Variants in PPP6R3 observed in about 807,000 individuals in gnomAD.
PPP6R3 encodes the protein serine/threonine-protein phosphatase 6 regulatory subunit 3.
Under a neutral mutation model 110.7 loss-of-function variants are expected in PPP6R3, and 38 were observed. The ratio of observed to expected loss-of-function variants is 0.34; its 90% CI spans 0.26 to 0.45. The LOEUF (loss-of-function observed/expected upper bound fraction) is 0.45. PPP6R3 is among the 20% of genes least tolerant of loss of function. The pLI is 1.00. For missense variants in PPP6R3, 870 were observed against 1,062.4 expected (o/e 0.82, Z 2.52); for synonymous variants, 369 against 373.5 (o/e 0.99, Z 0.14).
At chr11:68,479,590 A>G (rs2098886054) in intron 1 of PPP6R3, among the ~76,000 whole-genome samples, 1 of 152,214 alleles carries the variant, frequency 6.6e-6, no homozygotes, top group Admixed American at 6.5e-5. Flanking sequence ...ATAAGAAGTT[A>G]GATGTCAGTC....
chr11:68,536,457 G>A (rs563818419), intron 2 of PPP6R3, among the ~76,000 whole-genome samples: 1 of 151,798 alleles, frequency 6.6e-6, no homozygotes, highest in Non-Finnish European at 1.5e-5. Context: ...TAGAGATGAG[G>A]TCTCACTATG....
intron 2 of PPP6R3, among the ~76,000 whole-genome samples, chr11:68,521,186 TC>T (rs2099162684): frequency 6.6e-6 from 1 of 152,212 alleles, no homozygotes; most frequent in Non-Finnish European, 1.5e-5. Context: ...TTGTGATCAC[TC>T]CTTTGTGAAC....
chr11:68,586,661 T>C (rs944288466), intron 15 of PPP6R3: 2 of 152,082 alleles, frequency 1.3e-5, no homozygotes, highest in East Asian at 3.8e-4. Context: ...ACTAGACATA[T>C]AGAGCTTTTC....
chr11:68,483,627 C>T (rs952955893), intron 1 of PPP6R3, among the ~76,000 whole-genome samples: 2 of 152,112 alleles, frequency 1.3e-5, no homozygotes, highest in Non-Finnish European at 2.9e-5. Flanking sequence ...GAATTACAGG[C>T]ATTTGCCACC....
At chr11:68,503,929 G>C (rs1045132183) in intron 1 of PPP6R3, among the ~76,000 whole-genome samples, 24 of 152,316 alleles carry the variant, frequency 1.6e-4, no homozygotes, top group African/African-American at 5.8e-4. Flanking sequence ...TTGTTGACCA[G>C]GTGTGTGGAA....
In PPP6R3 at chr11:68,573,114, T is replaced by TTTTATATATA. The variant is rs1397314086; in HGVS notation, c.1344-994_1344-993insTTATATATAT. On this transcript the variant is annotated intron_variant, in intron 12 of 23. Transcript: ENST00000393800. ...TCAGATTAATATGAGTTTACTTATT[T>TTTTATATATA]TATATATATATATATATATATATAT... Among the ~76,000 whole-genome samples, 13 of 61,798 alleles carry TTTTATATATA rather than the reference T, an allele frequency of 2.1e-4. No homozygotes were observed. The East Asian group carries it at 3.5e-3, about 17-fold the overall frequency. 40.5% of individuals were successfully genotyped at this position (61,798 alleles called of 152,430 possible). A position where few individuals can be genotyped will look rare whatever the true frequency, so the allele number is the denominator to read the frequency against.
intron 1 of PPP6R3, among the ~76,000 whole-genome samples, chr11:68,498,823 C>A (rs1291207011): frequency 6.6e-6 from 1 of 152,178 alleles, no homozygotes; most frequent in African/African-American, 2.4e-5. Flanking sequence ...GTATGCATTT[C>A]TGTTGTTCAG....
chr11:68,478,416 T>C, intron 1 of PPP6R3, among the ~76,000 whole-genome samples: 1 of 152,170 alleles, frequency 6.6e-6, no homozygotes, highest in East Asian at 1.9e-4. Context: ...GTGAATATTT[T>C]CCCACTAAAG....
chr11:68,489,296 T>G (rs1379753409), intron 1 of PPP6R3, among the ~76,000 whole-genome samples: 1 of 152,162 alleles, frequency 6.6e-6, no homozygotes. Context: ...TTTTTGTTTG[T>G]GCTTTTGTCA....
At chr11:68,562,656 G>A (rs367676391) in intron 8 of PPP6R3, among the ~76,000 whole-genome samples, 3 of 152,162 alleles carry the variant, frequency 2.0e-5, no homozygotes, top group Non-Finnish European at 2.9e-5. Flanking sequence ...GCAGTTCAGC[G>A]GAGAAAGGAC....
intron 3 of PPP6R3, among the ~76,000 whole-genome samples, chr11:68,540,422 A>T (rs1019010505): frequency 3.9e-5 from 6 of 152,194 alleles, no homozygotes; most frequent in African/African-American, 1.4e-4. Context: ...TGGGTGACAG[A>T]CATCAAGTAC....
At chr11:68,553,863 A>T (rs909574197) in intron 6 of PPP6R3, among the ~76,000 whole-genome samples, 1 of 152,094 alleles carries the variant, frequency 6.6e-6, no homozygotes, top group Non-Finnish European at 1.5e-5. Flanking sequence ...GGGATGCTCA[A>T]TCTGTATTTT....
intron 16 of PPP6R3, among the ~76,000 whole-genome samples, chr11:68,589,270 G>A (rs192634642): frequency 2.0e-4 from 31 of 152,144 alleles, no homozygotes; most frequent in African/African-American, 7.2e-4. Flanking sequence ...GTTGACTGGG[G>A]CATCACGTTC....
At chr11:68,568,148 C>T (rs1018215981) in intron 10 of PPP6R3, among the ~76,000 whole-genome samples, 3 of 151,826 alleles carry the variant, frequency 2.0e-5, no homozygotes, top group Non-Finnish European at 2.9e-5. Context: ...GCACAGAAAA[C>T]AGGAGCAATT....
intron 14 of PPP6R3, among the ~76,000 whole-genome samples, chr11:68,581,913 C>T (rs1385725205): frequency 6.6e-6 from 1 of 152,178 alleles, no homozygotes; most frequent in Non-Finnish European, 1.5e-5. Flanking sequence ...TTAATTTCAT[C>T]CAGGCTTGGT....
chr11:68,510,424 C>T (rs555434914), intron 1 of PPP6R3, among the ~76,000 whole-genome samples: 1 of 152,030 alleles, frequency 6.6e-6, no homozygotes, highest in Non-Finnish European at 1.5e-5. Context: ...GTAGCCTCAA[C>T]CTCCTGGGCA....
intron 10 of PPP6R3, among the ~76,000 whole-genome samples, chr11:68,567,856 T>A (rs555428283): frequency 1.0e-3 from 154 of 152,300 alleles, no homozygotes; most frequent in African/African-American, 3.3e-3. Context: ...AGGTGTTTGT[T>A]CACTGTATGA....
chr11:68,555,637 C>A (rs1299000018), intron 7 of PPP6R3, among the ~76,000 whole-genome samples: 1 of 152,316 alleles, frequency 6.6e-6, no homozygotes, highest in East Asian at 1.9e-4. Flanking sequence ...TTTATTTGGA[C>A]CCAATGTGTA....
chr11:68,464,543 G>A (rs1038635647), intron 1 of PPP6R3, among the ~76,000 whole-genome samples: 1 of 152,120 alleles, frequency 6.6e-6, no homozygotes, highest in Non-Finnish European at 1.5e-5. Flanking sequence ...GGTTCCTTTC[G>A]GTGATCTGTG....
Sources: allele counts gnomAD v4.1 joint callset (sites outside exome capture counted in the v4.1 genomes callset), GRCh38; gene constraint gnomAD v4.1.1; transcripts MANE v1.5; gene names NCBI Gene and HGNC (gene_info 2026-07-23, HGNC 2026-07-21).